RAI2: variants seen among roughly 807,000 people sequenced by gnomAD.
RAI2 encodes the protein retinoic acid-induced protein 2.
Under a neutral mutation model 15.3 loss-of-function variants are expected in RAI2, and 5 were observed. The observed-to-expected ratio is 0.33, with a 90% confidence interval of 0.17 to 0.69. RAI2 has a LOEUF of 0.69. Among genes scored for constraint, RAI2 ranks in the 30% least tolerant of loss-of-function variants. RAI2 has a pLI of 0.69. For missense variants in RAI2, 424 were observed against 424.7 expected (o/e 1.00, Z 0.01); for synonymous variants, 191 against 184.0 (o/e 1.04, Z -0.31).
intron 1 of RAI2, among the ~76,000 whole-genome samples, chrX:17,821,831 T>C (rs2067168625): frequency 9.0e-6 from 1 of 111,029 alleles, no homozygotes; most frequent in African/African-American, 3.3e-5. Context: ...GTGTTGACCC[T>C]CTGGGCCCTC....
chrX:17,822,603 T>C (rs1485574912), intron 1 of RAI2, among the ~76,000 whole-genome samples: 2 of 112,227 alleles, frequency 1.8e-5, no homozygotes, highest in Non-Finnish European at 3.8e-5. Context: ...CGAGAGCCTC[T>C]GATTTCTCCC....
chrX:17,809,893 A>G (rs7876363), intron 1 of RAI2, among the ~76,000 whole-genome samples: 14,059 of 110,842 alleles, frequency 0.13, 1,342 homozygotes, highest in African/African-American at 0.33. Flanking sequence ...TCAGCCTCCT[A>G]AGTAGCTGGG....
At chrX:17,838,658 GCACACA>G (rs35063479) in intron 1 of RAI2, among the ~76,000 whole-genome samples, 14 of 101,160 alleles carry the variant, frequency 1.4e-4, no homozygotes, top group East Asian at 6.4e-4. Flanking sequence ...CACACACACA[GCACACA>G]CACACACACA....
intron 1 of RAI2, chrX:17,860,371 C>T (rs753920891): frequency 1.8e-5 from 2 of 112,385 alleles, no homozygotes; most frequent in African/African-American, 6.5e-5. Flanking sequence ...CAGCAAAAGG[C>T]GCCACTGAAA....
At chrX:17,848,094 CTT>C (rs1280514425) in intron 1 of RAI2, among the ~76,000 whole-genome samples, 1 of 111,660 alleles carries the variant, frequency 9.0e-6, no homozygotes, top group African/African-American at 3.3e-5. Flanking sequence ...CTGAGGGAAA[CTT>C]GTGTGTTAGC....
chrX:17,815,315 G>A (rs981929320), intron 1 of RAI2, among the ~76,000 whole-genome samples: 1 of 67,388 alleles, frequency 1.5e-5, no homozygotes, highest in Non-Finnish European at 2.6e-5. Flanking sequence ...ACATACATGT[G>A]CACACGTGCA....
chrX:17,854,008 G>A (rs1363444907), intron 1 of RAI2, among the ~76,000 whole-genome samples: 3 of 111,750 alleles, frequency 2.7e-5, no homozygotes, highest in Non-Finnish European at 3.8e-5. Context: ...ATTCTTTCCC[G>A]TTTTTTGCTA....
chrX:17,851,448 A>G (rs779336790), intron 1 of RAI2, among the ~76,000 whole-genome samples: 22 of 112,320 alleles, frequency 2.0e-4, no homozygotes, highest in Admixed American at 1.3e-3. Context: ...ATTTAAATGG[A>G]AATTAATAGG....
chrX:17,852,105 T>C (rs1490672811), intron 1 of RAI2, among the ~76,000 whole-genome samples: 1 of 111,785 alleles, frequency 8.9e-6, no homozygotes, highest in African/African-American at 3.3e-5. Flanking sequence ...ACCTGAATCC[T>C]GGCCTGCAAC....
intron 1 of RAI2, among the ~76,000 whole-genome samples, chrX:17,832,469 C>T (rs2067293016): frequency 8.9e-6 from 1 of 112,104 alleles, no homozygotes; most frequent in African/African-American, 3.2e-5. Context: ...TCCCTTTGTG[C>T]CCAGTTTCTG....
At chrX:17,837,635 A>AGCCT (rs1249400873) in intron 1 of RAI2, 2 of 112,364 alleles carry the variant, frequency 1.8e-5, no homozygotes, top group Non-Finnish European at 3.8e-5. Context: ...TGTCCAGGCA[A>AGCCT]GCCTGCCACC....
chrX:17,804,987 A>G (rs1269576489), intron 1 of RAI2, among the ~76,000 whole-genome samples: 1 of 113,136 alleles, frequency 8.8e-6, no homozygotes, highest in Non-Finnish European at 1.9e-5. Flanking sequence ...GGCAAGAGCT[A>G]CAACTCATTG....
rs554640725 is a variant in RAI2, at chrX:17,832,297, G to A, written c.-25+28801C>T. 1.8e-4 allele frequency among the ~76,000 whole-genome samples: 20 copies of A among 111,793 alleles called. No individual in the cohort carries two copies. The South Asian group carries it at 7.2e-3, about 40-fold the overall frequency. On this transcript the variant is annotated intron_variant, in intron 1 of 1. Transcript: ENST00000451717. Reference sequence around the variant, plus strand: ...AAACCAGGGCAGTCCCAGGCAAACCGGGAAGGTTTAAACAACTGATCTCTT... The same window carrying A: ...AAACCAGGGCAGTCCCAGGCAAACCAGGAAGGTTTAAACAACTGATCTCTT...
rs748189675 is a variant in RAI2, at chrX:17,801,664, G to C, written c.347C>G (p.Thr116Ser). The C allele has an allele frequency of 8.3e-7, 1 of 1,212,096 alleles. No homozygotes were observed. Among genetic ancestry groups the C allele is most frequent in the Non-Finnish European group, 1.1e-6 (1 of 895,594 alleles). Residue 116 changes from threonine to serine, a missense_variant, in exon 2 of 2, where the codon ACC becomes AGC. By Grantham distance (58) the Thr-to-Ser change is moderately conservative. Coordinates refer to ENST00000451717, the MANE Select transcript of RAI2 (RefSeq NM_021785.6). Reference protein sequence around the residue: ...PNGNATYVMTTQGPVQLPVVL... With the variant: ...PNGNATYVMTSQGPVQLPVVL... Reference sequence around the variant, plus strand: ...CACGGGCAGTTGCACGGGGCCCTGGGTGGTCATGACGTAGGTGGCATTGCC... The same window carrying C: ...CACGGGCAGTTGCACGGGGCCCTGGCTGGTCATGACGTAGGTGGCATTGCC...
intron 1 of RAI2, among the ~76,000 whole-genome samples, chrX:17,846,088 G>A (rs1368444314): frequency 9.0e-6 from 1 of 111,650 alleles, no homozygotes; most frequent in Non-Finnish European, 1.9e-5. Context: ...GAAGCTATTG[G>A]AAAGGGTTTC....
At chrX:17,826,822 C>T (rs781362314) in intron 1 of RAI2, among the ~76,000 whole-genome samples, 5 of 111,460 alleles carry the variant, frequency 4.5e-5, no homozygotes, top group Non-Finnish European at 9.4e-5. Context: ...CTCTTTCCTG[C>T]CATGTAAGAT....
chrX:17,822,842 GTCCAATGGA>G (rs2067182768), intron 1 of RAI2, among the ~76,000 whole-genome samples: 1 of 112,108 alleles, frequency 8.9e-6, no homozygotes, highest in East Asian at 2.8e-4. Flanking sequence ...AGACAACTTG[GTCCAATGGA>G]TGCAACGAAA....
chrX:17,809,508 C>A (rs2067018464), intron 1 of RAI2, among the ~76,000 whole-genome samples: 1 of 111,838 alleles, frequency 8.9e-6, no homozygotes, highest in Non-Finnish European at 1.9e-5. Context: ...TTTGTTTTAT[C>A]ATCTAATCTT....
Position 17,801,862 on chromosome X carries a change from A to G in RAI2, c.149T>C (p.Leu50Pro). 1 of 1,210,612 alleles carries G rather than the reference A, an allele frequency of 8.3e-7. No homozygotes were observed. Among genetic ancestry groups the G allele is most frequent in the Non-Finnish European group, 1.1e-6 (1 of 895,220 alleles). Reference sequence around the variant, plus strand: ...AATGGATGGGGCTGGCACGGTCACCAGGGCCTTCTTTACCAGGTCAGTGGA... The same window carrying G: ...AATGGATGGGGCTGGCACGGTCACCGGGGCCTTCTTTACCAGGTCAGTGGA... ...INSTDLVKKALVTVPAPSILN... is the reference protein window; with the variant it reads ...INSTDLVKKAPVTVPAPSILN... Residue 50 changes from leucine (L) to proline (P), a missense_variant, in exon 2 of 2, where the codon CTG becomes CCG. Transcript: ENST00000451717.
Sources: allele counts gnomAD v4.1 joint callset (sites outside exome capture counted in the v4.1 genomes callset), GRCh38; gene constraint gnomAD v4.1.1; transcripts MANE v1.5; gene names NCBI Gene and HGNC (gene_info 2026-07-23, HGNC 2026-07-21).